The following CREB3L4 variants were observed in gnomAD, a reference collection of about 807,000 sequenced individuals.
CREB3L4 encodes cAMP responsive element binding protein 3 like 4.
CREB3L4 carries 28 observed loss-of-function variants against 37.0 expected under a neutral mutation model. The observed-to-expected ratio is 0.76, with a 90% CI of 0.56 to 1.04. The LOEUF is 1.04. CREB3L4 is among the 50% of genes least tolerant of loss of function. The pLI is 0.00. For missense variants in CREB3L4, 462 were observed against 486.0 expected, an observed-to-expected ratio of 0.95 and a Z score of 0.46; for synonymous variants, 175 against 192.2, an observed-to-expected ratio of 0.91 and a Z score of 0.74.
chr1:153,972,916 T>A, intron 5 of CREB3L4, 56 bp from the exon 6 acceptor site: 2 of 1,589,312 alleles, frequency 1.3e-6, no homozygotes, highest in East Asian at 2.2e-5. Flanking sequence ...AGGAGAAGCA[T>A]TGGGGAGTTG....
chr1:153,973,169 C>A, intron 6 of CREB3L4, 26 bp from the exon 7 acceptor site: 1 of 1,613,544 alleles, frequency 6.2e-7, no homozygotes. Context: ...GGTTGCTGAG[C>A]CTTGTCCTAC....
chr1:153,971,876 G>A (rs1415447308), intron 4 of CREB3L4, among the ~76,000 whole-genome samples: 1 of 152,100 alleles, frequency 6.6e-6, no homozygotes, highest in Non-Finnish European at 1.5e-5. Context: ...AGGCTGGAGT[G>A]CAGTGGTGCA....
intron 4 of CREB3L4, 85 bp downstream of exon 4, chr1:153,969,540 CTGA>C: frequency 6.6e-7 from 1 of 1,504,742 alleles, no homozygotes; most frequent in Non-Finnish European, 9.1e-7. Flanking sequence ...GGAATGGAAA[CTGA>C]TGATGAACTG....
intron 4 of CREB3L4, among the ~76,000 whole-genome samples, chr1:153,969,928 T>TA (rs1648183849): frequency 7.0e-6 from 1 of 142,768 alleles, no homozygotes; most frequent in Non-Finnish European, 1.5e-5. Context: ...CATGAACAAT[T>TA]TTTTTTTTTT....
At chr1:153,972,040 C>G (rs1203616265) in intron 4 of CREB3L4, among the ~76,000 whole-genome samples, 2 of 152,216 alleles carry the variant, frequency 1.3e-5, no homozygotes, top group African/African-American at 2.4e-5. Context: ...CCAGGCTGGT[C>G]TTGAACTTCT....
chr1:153,968,289 A>C (rs1182967402), intron 1 of CREB3L4, 125 bp downstream of exon 1: 2 of 426,512 alleles, frequency 4.7e-6, no homozygotes, highest in Non-Finnish European at 8.5e-6. Flanking sequence ...CTGGCTTGAC[A>C]GGGCTGGGCT....
intron 1 of CREB3L4, 134 bp downstream of exon 1, chr1:153,968,298 C>G: frequency 2.1e-6 from 1 of 485,188 alleles, no homozygotes; most frequent in Non-Finnish European, 3.7e-6. Flanking sequence ...CAGGGCTGGG[C>G]TCTTCAGAAC....
chr1:153,970,739 C>CTTTTTTT (rs35553007), intron 4 of CREB3L4, among the ~76,000 whole-genome samples: 1 of 87,152 alleles, frequency 1.1e-5, no homozygotes, highest in Non-Finnish European at 2.1e-5. Context: ...ATCTTAGAAT[C>CTTTTTTT]TTTTTTTTTT....
In CREB3L4 at chr1:153,974,133, T is replaced by C. The variant is rs1273864524; in HGVS notation, c.*68T>C. On this transcript the variant is annotated 3_prime_UTR_variant, in exon 10 of 10. Coordinates refer to ENST00000368607, the MANE Select transcript of CREB3L4 (RefSeq NM_001255978.2). ...TCCTGGGCTTCCTTATGGCTTTGCT[T>C]CCCACTGGGATTCCTACTTAGGTGT... 3 of 1,475,840 alleles carry C rather than the reference T, an allele frequency of 2.0e-6. No individual in the cohort carries two copies. The highest frequency in any genetic ancestry group is 1.4e-5 in the African/African-American group (1 of 72,030). The allele number at this position is 1,475,840 out of a possible 1,614,324, so 91.4% of individuals were successfully genotyped here. A position where few individuals can be genotyped will look rare whatever the true frequency, so the allele number is the denominator to read the frequency against.
At chr1:153,970,693 C>G (rs1232599759) in intron 4 of CREB3L4, among the ~76,000 whole-genome samples, 1 of 148,930 alleles carries the variant, frequency 6.7e-6, no homozygotes, top group Admixed American at 6.7e-5. Context: ...CTCTTCAAAT[C>G]TGCAGTTGAA....
Position 153,973,670 on chromosome 1 carries a change from CCA to C in CREB3L4, c.949_950del (p.Gln317GlufsTer8). On this transcript the variant is annotated frameshift_variant, in exon 9 of 10. Transcript: ENST00000368607. LOFTEE classifies it low-confidence loss of function (END_TRUNC). The stretch of plus-strand genomic sequence containing the variant: ...TCATCCTGCCCAGCTTCAGTCCATT[CCA>C]GAGTCGACCAGAAGCTGGGTCTGAG... ...LIILPSFSPF[Q>X]SRPEAGSEDY... 2 of 1,609,290 alleles carry C rather than the reference CCA, an allele frequency of 1.2e-6. No individual in the cohort carries two copies. Among genetic ancestry groups the C allele is most frequent in the Non-Finnish European group, 1.7e-6 (2 of 1,177,606 alleles).
rs1391416836 is a variant in CREB3L4, at chr1:153,973,745, T to C, written c.994+29T>C. On this transcript the variant is annotated intron_variant, in intron 9 of 9. Coordinates refer to ENST00000368607, the MANE Select transcript of CREB3L4 (RefSeq NM_001255978.2). ...AGAGGCAAGGGCAGGGAGCAACCCC[T>C]GGCTGAGCAAGGGAGGGGGACTCTG... 5.1e-6 allele frequency: 8 copies of C among 1,573,994 alleles called. No homozygotes were observed. The Admixed American group carries it at 1.4e-4, about 28-fold the overall frequency.
Position 153,967,943 on chromosome 1 carries a change from G to T in CREB3L4, c.-226G>T, listed in dbSNP as rs1026500933. ...CTGCCATGATCTCCCTCTTGCAAAAGCGAGGGCTACAGAACAGGCATTCAG... is the reference window on the plus strand; with the variant it reads ...CTGCCATGATCTCCCTCTTGCAAAATCGAGGGCTACAGAACAGGCATTCAG... On this transcript the variant is annotated 5_prime_UTR_variant, in exon 1 of 10. Coordinates refer to ENST00000368607, the MANE Select transcript of CREB3L4 (RefSeq NM_001255978.2). 2 of 152,264 alleles carry T rather than the reference G, an allele frequency of 1.3e-5. No individual in the cohort carries two copies. Among genetic ancestry groups the T allele is most frequent in the Admixed American group, 1.3e-4 (2 of 15,276 alleles). The allele number at this position is 152,264 out of a possible 1,614,324, so 9.4% of individuals were successfully genotyped here.
At chr1:153,971,893 GC>G (rs1231116485) in intron 4 of CREB3L4, among the ~76,000 whole-genome samples, 1 of 152,064 alleles carries the variant, frequency 6.6e-6, no homozygotes, top group Non-Finnish European at 1.5e-5. Context: ...TGCAATCTCG[GC>G]TCACTGCAAC....
chr1:153,973,412 C>G lies in CREB3L4; in HGVS notation c.845C>G (p.Thr282Arg). The G allele has an allele frequency of 7.4e-6, 12 of 1,614,136 alleles. No homozygotes were observed. Among genetic ancestry groups the G allele is most frequent in the Non-Finnish European group, 1.0e-5 (12 of 1,180,016 alleles). Residue 282 changes from threonine to arginine, a missense_variant, in exon 8 of 10, where the codon ACG becomes AGG. Coordinates refer to ENST00000368607, the MANE Select transcript of CREB3L4 (RefSeq NM_001255978.2). ...GTAGCTCAGCTCCGCCAGCTGCAGA[C>G]GCTAATTGCTCAAACTTCCAACAAA... ...SLVAQLRQLQTLIAQTSNKAA... is the reference protein window; with the variant it reads ...SLVAQLRQLQRLIAQTSNKAA...
rs145339189 is a variant in CREB3L4, at chr1:153,968,254, T to C, written c.-5+90T>C. On this transcript the variant is annotated intron_variant, in intron 1 of 9. Coordinates refer to ENST00000368607, the MANE Select transcript of CREB3L4 (RefSeq NM_001255978.2). ...ATCCTGGAAGAAAGAAAAGGTGTAGTGTTTGGGGAGGTCAACGGGCTATGC... is the reference window on the plus strand; with the variant it reads ...ATCCTGGAAGAAAGAAAAGGTGTAGCGTTTGGGGAGGTCAACGGGCTATGC... The C allele has an allele frequency of 1.0e-3, 311 of 298,826 alleles. 1 individual carries two copies. Among genetic ancestry groups the C allele is most frequent in the Non-Finnish European group, 1.6e-3 (253 of 159,864 alleles). 18.5% of individuals were successfully genotyped at this position (298,826 alleles called of 1,614,324 possible).
intron 4 of CREB3L4, among the ~76,000 whole-genome samples, chr1:153,972,129 A>C (rs1166615012): frequency 1.3e-5 from 2 of 152,142 alleles, no homozygotes; most frequent in Admixed American, 6.5e-5. Context: ...GGCCACATAC[A>C]TCTTTCAAAA....
intron 4 of CREB3L4, among the ~76,000 whole-genome samples, chr1:153,970,957 A>C (rs371576687): frequency 1.5e-4 from 22 of 145,780 alleles, no homozygotes; most frequent in African/African-American, 5.2e-4. Flanking sequence ...GTTGGCCAGG[A>C]TGGTCTTGAT....
chr1:153,972,416 T>G (rs1158617965), intron 4 of CREB3L4, among the ~76,000 whole-genome samples: 1 of 152,224 alleles, frequency 6.6e-6, no homozygotes, highest in Non-Finnish European at 1.5e-5. Flanking sequence ...TTCACTGTAG[T>G]GAGTTCTTTC....
Sources: gnomAD v4.1 joint callset for allele counts (sites outside exome capture counted in the v4.1 genomes callset) on GRCh38, gnomAD v4.1.1 for gene constraint, MANE v1.5 for transcripts, NCBI Gene and HGNC (gene_info 2026-07-23, HGNC 2026-07-21) for gene names.